Variants in ALK observed in about 807,000 individuals in gnomAD.
ALK encodes ALK tyrosine kinase receptor.
ALK carries 74 observed loss-of-function variants against 163.1 expected under a neutral mutation model. The ratio of observed to expected loss-of-function variants is 0.45; its 90% CI spans 0.38 to 0.55. The LOEUF is 0.55. Among genes scored for constraint, ALK ranks in the 20% least tolerant of loss-of-function variants. The probability of loss-of-function intolerance (pLI) is 0.00; values close to 1 mark genes in which losing one functional copy is unlikely to be tolerated. For missense variants in ALK, 2,063 were observed against 2,105.3 expected (o/e 0.98, Z 0.39); for synonymous variants, 960 against 843.2 (o/e 1.14, Z -2.40).
chr2:29,548,291 G>A (rs1260362783), intron 3 of ALK, among the ~76,000 whole-genome samples: 2 of 152,108 alleles, frequency 1.3e-5, no homozygotes, highest in Non-Finnish European at 2.9e-5. Flanking sequence ...GGCTAACACG[G>A]TGAAACCCTG....
chr2:29,309,822 CTG>C (rs1666649102), intron 8 of ALK, among the ~76,000 whole-genome samples: 1 of 152,094 alleles, frequency 6.6e-6, no homozygotes, highest in Non-Finnish European at 1.5e-5. Flanking sequence ...AATGTGGACA[CTG>C]TGTGAAATAA....
intron 3 of ALK, among the ~76,000 whole-genome samples, chr2:29,661,461 G>A (rs903500410): frequency 5.9e-5 from 9 of 152,090 alleles, no homozygotes; most frequent in African/African-American, 1.2e-4. Context: ...TCTATGATTC[G>A]GATAAGAATA....
intron 4 of ALK, among the ~76,000 whole-genome samples, chr2:29,436,552 G>A (rs972260212): frequency 6.6e-6 from 1 of 152,188 alleles, no homozygotes; most frequent in Non-Finnish European, 1.5e-5. Flanking sequence ...AGAGACAGCA[G>A]GTATCAAGAG....
At chr2:29,612,502 C>T (rs974769554) in intron 3 of ALK, among the ~76,000 whole-genome samples, 1 of 152,150 alleles carries the variant, frequency 6.6e-6, no homozygotes, top group African/African-American at 2.4e-5. Flanking sequence ...CCAAAGTGAT[C>T]ATGAGGTCAA....
At chr2:29,202,902 TTCTC>T (rs1204470607) in intron 26 of ALK, among the ~76,000 whole-genome samples, 2 of 152,236 alleles carry the variant, frequency 1.3e-5, no homozygotes, top group Non-Finnish European at 2.9e-5. Flanking sequence ...TTGTGTCATC[TTCTC>T]TCTAATGTAT....
chr2:29,778,653 G>C (rs548280367), intron 1 of ALK, among the ~76,000 whole-genome samples: 1 of 152,090 alleles, frequency 6.6e-6, no homozygotes, highest in Non-Finnish European at 1.5e-5. Context: ...TATCTGCTTC[G>C]CACCCTCATT....
chr2:29,588,273 C>G lies in ALK; in HGVS notation c.953-56157G>C, dbSNP rs182292708. 6.2e-3 allele frequency among the ~76,000 whole-genome samples: 940 copies of G among 152,004 alleles called. 14 individuals are homozygous for G. Among genetic ancestry groups the G allele is most frequent in the African/African-American group, 0.022 (907 of 41,418 alleles). On this transcript the variant is annotated intron_variant, in intron 3 of 28. Coordinates refer to ENST00000389048, the MANE Select transcript of ALK (RefSeq NM_004304.5). Reference sequence around the variant, plus strand: ...TTGAGATAGAGTCTCACTCTGTCGCCCAGGCTGAAGTGAAGTGGCACATCT... The same window carrying G: ...TTGAGATAGAGTCTCACTCTGTCGCGCAGGCTGAAGTGAAGTGGCACATCT...
chr2:29,846,184 G>A (rs1198677457), intron 1 of ALK, among the ~76,000 whole-genome samples: 1 of 151,974 alleles, frequency 6.6e-6, no homozygotes, highest in African/African-American at 2.4e-5. Context: ...CTGAACTCCT[G>A]TCTGTTTCTT....
chr2:29,790,997 C>T (rs1462197963), intron 1 of ALK, among the ~76,000 whole-genome samples: 1 of 152,208 alleles, frequency 6.6e-6, no homozygotes, highest in African/African-American at 2.4e-5. Flanking sequence ...TCTGGGTCCA[C>T]CTCTTACAGT....
At chr2:29,695,051 T>C in intron 2 of ALK, 37 bp from the exon 3 acceptor site, 1 of 1,613,400 alleles carries the variant, frequency 6.2e-7, no homozygotes, top group African/African-American at 1.3e-5. Flanking sequence ...AAAAAACCAT[T>C]TCCCAAACGT....
intron 3 of ALK, among the ~76,000 whole-genome samples, chr2:29,602,808 A>G (rs72862811): frequency 0.027 from 4,065 of 152,352 alleles, 104 homozygotes; most frequent in African/African-American, 0.059. Context: ...GCCAAGTTCT[A>G]TAAAAATATT....
At chr2:29,232,787 G>A (rs968880740) in intron 14 of ALK, among the ~76,000 whole-genome samples, 2 of 152,170 alleles carry the variant, frequency 1.3e-5, no homozygotes, top group African/African-American at 4.8e-5. Context: ...CAGAGGTCTG[G>A]ATGCTGGTGA....
At chr2:29,267,849 A>C (rs1253851115) in intron 11 of ALK, among the ~76,000 whole-genome samples, 1 of 152,188 alleles carries the variant, frequency 6.6e-6, no homozygotes, top group Non-Finnish European at 1.5e-5. Flanking sequence ...AGTCTGAGAG[A>C]AGAATGATAA....
intron 3 of ALK, among the ~76,000 whole-genome samples, chr2:29,635,296 G>A (rs747105452): frequency 1.3e-5 from 2 of 152,172 alleles, no homozygotes; most frequent in Non-Finnish European, 2.9e-5. Flanking sequence ...AAGGAAATGT[G>A]GTCTTCACAG....
At chr2:29,264,266 C>G (rs1300225854) in intron 11 of ALK, among the ~76,000 whole-genome samples, 1 of 152,188 alleles carries the variant, frequency 6.6e-6, no homozygotes, top group African/African-American at 2.4e-5. Flanking sequence ...TGAAGATTTC[C>G]CTAGGCCACA....
rs111236214 is a variant in ALK at position 29,328,288 on chromosome 2, G to A, written c.1414+62C>T. 1,167 of 1,612,422 alleles carry A rather than the reference G, an allele frequency of 7.2e-4. 5 individuals carry two copies. The African/African-American group carries it at 0.011, about 15-fold the overall frequency. On this transcript the variant is annotated intron_variant, in intron 6 of 28. Coordinates refer to ENST00000389048, the MANE Select transcript of ALK (RefSeq NM_004304.5). ...CATGCTCTCATGCCTGGGATAATGG[G>A]GACAACGGGGTTATGAGCATGGGCT...
chr2:29,357,137 A>G (rs1243265346), intron 5 of ALK, among the ~76,000 whole-genome samples: 1 of 152,190 alleles, frequency 6.6e-6, no homozygotes, highest in Non-Finnish European at 1.5e-5. Flanking sequence ...TCTGTCTCCA[A>G]AATTGGGATG....
intron 1 of ALK, among the ~76,000 whole-genome samples, chr2:29,757,593 TTGTGTGTG>T (rs35768373): frequency 3.4e-5 from 5 of 148,228 alleles, no homozygotes; most frequent in African/African-American, 1.2e-4. Flanking sequence ...TTTTGTTTGT[TTGTGTGTG>T]TGTGTGTGTG....
intron 4 of ALK, among the ~76,000 whole-genome samples, chr2:29,489,281 G>A (rs1671847057): frequency 6.6e-6 from 1 of 152,108 alleles, no homozygotes; most frequent in African/African-American, 2.4e-5. Flanking sequence ...ACAAGTATAA[G>A]CTCATCCTAG....
Sources: gnomAD v4.1 joint callset for allele counts (sites outside exome capture counted in the v4.1 genomes callset) on GRCh38, gnomAD v4.1.1 for gene constraint, MANE v1.5 for transcripts, NCBI Gene and HGNC (gene_info 2026-07-23, HGNC 2026-07-21) for gene names.